SPTB: variants seen among roughly 807,000 people sequenced by gnomAD.
SPTB encodes spectrin beta, erythrocytic, also known as spectrin beta chain, erythrocytic.
SPTB carries 45 observed loss-of-function variants against 256.2 expected under a neutral mutation model. The observed-to-expected ratio is 0.18, with a 90% confidence interval of 0.14 to 0.23. The LOEUF (loss-of-function observed/expected upper bound fraction) is 0.23. Ranked by LOEUF, SPTB falls within the 10% of genes least tolerant of loss-of-function variation. SPTB has a pLI of 1.00. For missense variants in SPTB, 2,715 were observed against 3,040.4 expected, an observed-to-expected ratio of 0.89 and a Z score of 2.52; for synonymous variants, 1,231 against 1,243.1, an observed-to-expected ratio of 0.99 and a Z score of 0.21.
rs747776201 is a variant in SPTB at position 64,749,876 on chromosome 14, G to A, written c.6776+105C>T. ...CTCTTTGATTTGAAAAACCCCTGAG[G>A]AGCAGCTCAGGCCTGGCACTGGTCC... On this transcript the variant is annotated intron_variant, in intron 34 of 35. Transcript: ENST00000644917. This position sits in a 1 kb window ranked among gnomAD's most constrained non-coding sequence, Gnocchi z 4.7. The A allele has an allele frequency of 4.1e-5, 62 of 1,530,214 alleles. No homozygotes were observed. In the Middle Eastern group the frequency reaches 6.9e-4, roughly 17 times the overall value. 94.8% of individuals were successfully genotyped at this position (1,530,214 alleles called of 1,614,324 possible).
At chr14:64,843,898 A>G (rs1888744996) in intron 1 of SPTB, among the ~76,000 whole-genome samples, 1 of 152,174 alleles carries the variant, frequency 6.6e-6, no homozygotes, top group South Asian at 2.1e-4. Context: ...CACCATCACC[A>G]CCACCAGCCT....
At chr14:64,874,601 G>A (rs1028763060) in intron 1 of SPTB, among the ~76,000 whole-genome samples, 1 of 152,122 alleles carries the variant, frequency 6.6e-6, no homozygotes, top group East Asian at 1.9e-4. Flanking sequence ...CACTCCTAGG[G>A]TTCTTCTAGA....
intron 33 of SPTB, 122 bp downstream of exon 33, chr14:64,753,413 TCA>T: frequency 6.7e-7 from 1 of 1,486,742 alleles, no homozygotes; most frequent in Non-Finnish European, 9.1e-7. Context: ...CTAGGAGCTC[TCA>T]CAGGCCAAGG....
chr14:64,850,337 G>A (rs1412515162), intron 1 of SPTB, among the ~76,000 whole-genome samples: 1 of 152,202 alleles, frequency 6.6e-6, no homozygotes, highest in Admixed American at 6.5e-5. Context: ...CACACCTGTG[G>A]ATGGCTTCTT....
At position 64,779,185 on chromosome 14, in the gene SPTB, G is replaced by A; in HGVS notation, c.4535C>T (p.Thr1512Ile). 6.2e-7 allele frequency: 1 copy of A among 1,614,120 alleles called. No homozygotes were observed. Among genetic ancestry groups the A allele is most frequent in the Non-Finnish European group, 8.5e-7 (1 of 1,179,992 alleles). ...GTTCTTCTTCATGAACAGTTGCACA[G>A]TTTGCAGATTAGTGCCATAGTCGGC... ...QSADYGTNLQ[T>I]VQLFMKKNQT... Residue 1512 changes from threonine (T) to isoleucine (I), a missense_variant, in exon 22 of 36, where the codon ACT becomes ATT. This residue lies in a region of SPTB where 2,239 missense variants were observed against 2,384.4 expected (regional missense o/e 0.94). Coordinates refer to ENST00000644917, the MANE Select transcript of SPTB (RefSeq NM_001355436.2). The surrounding 1 kb of genome is among the most constrained non-coding windows in gnomAD (Gnocchi z 4.2).
chr14:64,797,962 C>G (rs1594787940), intron 9 of SPTB, 116 bp from the exon 10 acceptor site: 5 of 791,148 alleles, frequency 6.3e-6, no homozygotes, highest in Admixed American at 1.7e-5. Flanking sequence ...GCATATTTCC[C>G]TTAAAAACAC....
At chr14:64,865,387 T>C (rs1346530966) in intron 1 of SPTB, among the ~76,000 whole-genome samples, 1 of 151,900 alleles carries the variant, frequency 6.6e-6, no homozygotes, top group Admixed American at 6.6e-5. Context: ...GTAAAGTGAC[T>C]TCCTCTGGGT....
intron 1 of SPTB, among the ~76,000 whole-genome samples, chr14:64,865,514 C>G (rs1265311704): frequency 1.3e-5 from 2 of 152,132 alleles, no homozygotes; most frequent in East Asian, 3.9e-4. Context: ...CGTTTCACTG[C>G]AGTCATTTTC....
At position 64,753,551 on chromosome 14, in the gene SPTB, C is replaced by T; in HGVS notation, c.6588G>A (p.Lys2196=). The change falls in exon 33 of 36, where the codon AAG becomes AAA. Residue 2196 remains lysine, a synonymous_variant. Coordinates refer to ENST00000644917, the MANE Select transcript of SPTB (RefSeq NM_001355436.2). ...CCCGCACTCACCTGTTGGAAGCCTT[C>T]TTGTTGGGCCCCTCCAGGTCATGCT... The part of the protein sequence containing the change: ...GRKHDLEGPN[K]KASNRSWNNL... 1 of 1,613,530 alleles carries T rather than the reference C, an allele frequency of 6.2e-7. No homozygotes were observed.
rs1232670173 is a variant in SPTB, at chr14:64,825,444, A to AC, written c.-51-2300dup. Among the ~76,000 whole-genome samples the AC allele has an allele frequency of 1.3e-5, 2 of 150,152 alleles. No homozygotes were observed. Among genetic ancestry groups the AC allele is most frequent in the East Asian group, 3.9e-4 (2 of 5,066 alleles). ...CTGGGCAACGATAGCCGGGAAAGAT[A>AC]CCCCCCACCCCCGGCCCCACACCTT... On this transcript the variant is annotated intron_variant, in intron 1 of 35. Transcript: ENST00000644917. The surrounding 1 kb of genome is among the most constrained non-coding windows in gnomAD (Gnocchi z 4.8).
intron 2 of SPTB, among the ~76,000 whole-genome samples, chr14:64,814,277 A>G (rs1318665697): frequency 2.0e-5 from 3 of 152,218 alleles, no homozygotes; most frequent in Non-Finnish European, 2.9e-5. Flanking sequence ...GTTTGCTGAC[A>G]TGAAAAGATA....
At chr14:64,864,226 G>A (rs1191370283) in intron 1 of SPTB, among the ~76,000 whole-genome samples, 1 of 152,186 alleles carries the variant, frequency 6.6e-6, no homozygotes, top group Non-Finnish European at 1.5e-5. Context: ...GGAGGCCAAG[G>A]TGGGAGGATC....
intron 33 of SPTB, chr14:64,752,194 C>T (rs748298641): frequency 2.9e-5 from 39 of 1,346,554 alleles, no homozygotes; most frequent in East Asian, 9.2e-5. Flanking sequence ...TGGGCTAGCC[C>T]GAGCCGCTTC....
chr14:64,835,755 A>C (rs1385338487), intron 1 of SPTB, among the ~76,000 whole-genome samples: 1 of 152,192 alleles, frequency 6.6e-6, no homozygotes, highest in African/African-American at 2.4e-5. Context: ...TCTGGAACAT[A>C]CTAAGGCCTT....
intron 32 of SPTB, chr14:64,754,405 G>C (rs2081993964): frequency 6.0e-6 from 1 of 166,830 alleles, no homozygotes; most frequent in African/African-American, 2.4e-5. Flanking sequence ...TCCATCATTT[G>C]ATGGGAACTT....
Position 64,764,704 on chromosome 14 carries a change from G to A in SPTB, c.6345+2022C>T, listed in dbSNP as rs890631083. ...AGAGGAGCCCGCACACCAGGACACC[G>A]CCACATGCAGACACACAGGGACGCA... On this transcript the variant is annotated intron_variant, in intron 32 of 35. Transcript: ENST00000644917. This position sits in a 1 kb window ranked among gnomAD's most constrained non-coding sequence, Gnocchi z 4.2. Among the ~76,000 whole-genome samples, 2 of 152,150 alleles carry A rather than the reference G, an allele frequency of 1.3e-5. No homozygotes were observed. The highest frequency in any genetic ancestry group is 2.4e-5 in the African/African-American group (1 of 41,442).
Position 64,796,407 on chromosome 14 carries a change from G to A in SPTB, c.1341+150C>T. 8 of 1,027,940 alleles carry A rather than the reference G, an allele frequency of 7.8e-6. No individual in the cohort carries two copies. The highest frequency in any genetic ancestry group is 5.9e-6 in the Non-Finnish European group (4 of 676,946). The allele number at this position is 1,027,940 out of a possible 1,614,324, so 63.7% of individuals were successfully genotyped here. On this transcript the variant is annotated intron_variant, in intron 11 of 35. Transcript: ENST00000644917. The surrounding 1 kb of genome is among the most constrained non-coding windows in gnomAD (Gnocchi z 4.1). ...AATCCTGGAGAGCTCCTCCCCAGAT[G>A]CAAATCTTGATCCACTGGATCACGG... is the stretch of plus-strand genomic sequence containing the variant.
chr14:64,868,294 C>A (rs1882314755), intron 1 of SPTB, among the ~76,000 whole-genome samples: 2 of 151,962 alleles, frequency 1.3e-5, no homozygotes, highest in South Asian at 4.2e-4. Flanking sequence ...GAAAAACAAG[C>A]AGCCAAGTAG....
chr14:64,771,652 C>T (rs2082280624), intron 26 of SPTB, among the ~76,000 whole-genome samples: 1 of 152,138 alleles, frequency 6.6e-6, no homozygotes, highest in African/African-American at 2.4e-5. Context: ...GTGGTTGCAC[C>T]AGATCCCCTG....
Sources: gnomAD v4.1 joint callset for allele counts (sites outside exome capture counted in the v4.1 genomes callset) on GRCh38, gnomAD v4.1.1 for gene constraint, gnomAD v4.1.1 regional missense constraint, Gnocchi (gnomAD v3.1) non-coding constraint, MANE v1.5 for transcripts, NCBI Gene and HGNC (gene_info 2026-07-23, HGNC 2026-07-21) for gene names.